FER1L6: variants seen among roughly 807,000 people sequenced by gnomAD.
FER1L6 encodes fer-1 like family member 6.
In FER1L6, 177 loss-of-function variants were observed where a neutral mutation model predicts 219.2. The ratio of observed to expected loss-of-function variants is 0.81; its 90% CI spans 0.71 to 0.91. The LOEUF (loss-of-function observed/expected upper bound fraction) is 0.91, where lower values mean the gene tolerates loss of function less well. Ranked by LOEUF, FER1L6 falls within the 40% of genes least tolerant of loss-of-function variation. FER1L6 has a pLI of 0.00. For synonymous variants in FER1L6, 768 were observed against 824.3 expected (o/e 0.93, Z 1.17); for missense variants, 2,153 against 2,259.9 (o/e 0.95, Z 0.96).
At chr8:124,085,605 T>G (rs993930117) in intron 33 of FER1L6, among the ~76,000 whole-genome samples, 2 of 151,860 alleles carry the variant, frequency 1.3e-5, no homozygotes, top group African/African-American at 4.8e-5. Flanking sequence ...AATTTCAATT[T>G]AAAAAAAATT....
At chr8:123,967,485 T>C (rs1395096764) in intron 5 of FER1L6, among the ~76,000 whole-genome samples, 1 of 152,246 alleles carries the variant, frequency 6.6e-6, no homozygotes, top group Non-Finnish European at 1.5e-5. Context: ...AACCTTTTGC[T>C]ACTACTTATA....
Position 123,966,252 on chromosome 8 carries a change from A to T in FER1L6, c.346A>T (p.Thr116Ser), listed in dbSNP as rs770304809. The change falls in exon 5 of 41, where the codon ACA becomes TCA. Residue 116 changes from threonine (T) to serine (S), a missense_variant. Coordinates refer to ENST00000522917, the MANE Select transcript of FER1L6 (RefSeq NM_001039112.2). ...GATTGGGGATGAGAAGAAGCAAAGCACAGTGAAGGAAGGAACCAACAGCCC... is the reference window on the plus strand; with the variant it reads ...GATTGGGGATGAGAAGAAGCAAAGCTCAGTGAAGGAAGGAACCAACAGCCC... ...IEIGDEKKQS[T>S]VKEGTNSPFY... 6.2e-7 allele frequency: 1 copy of T among 1,614,220 alleles called. No individual in the cohort carries two copies. The highest frequency in any genetic ancestry group is 8.5e-7 in the Non-Finnish European group (1 of 1,180,032).
chr8:124,060,456 G>C (rs1820512460), intron 23 of FER1L6, 92 bp from the exon 24 acceptor site: 1 of 1,537,488 alleles, frequency 6.5e-7, no homozygotes, highest in South Asian at 1.2e-5. Flanking sequence ...GTGGTTCTCA[G>C]GGAGCAGGTC....
intron 12 of FER1L6, among the ~76,000 whole-genome samples, chr8:123,992,978 A>G (rs1474142438): frequency 1.3e-5 from 2 of 152,198 alleles, no homozygotes; most frequent in Non-Finnish European, 2.9e-5. Flanking sequence ...TCAGGAGCAG[A>G]CTAATTTCCA....
rs752074541 is a variant in FER1L6, at chr8:123,956,044, G to A, written c.46G>A (p.Gly16Arg). The change falls in exon 2 of 41, where the codon GGG (glycine) becomes AGG (arginine). Residue 16 changes from glycine (G) to arginine (R), a missense_variant. Coordinates refer to ENST00000522917, the MANE Select transcript of FER1L6 (RefSeq NM_001039112.2). ...VKKKRNKAEK[G>R]LILANKAAKD... ...GAAGAAGAGAAATAAGGCAGAGAAG[G>A]GGTTAATCCTAGCCAACAAGGCTGC... 10 of 1,612,386 alleles carry A rather than the reference G, an allele frequency of 6.2e-6. No individual in the cohort carries two copies. Among genetic ancestry groups the A allele is most frequent in the Non-Finnish European group, 8.5e-6 (10 of 1,179,518 alleles).
At chr8:123,874,553 A>G (rs1196237198) in intron 1 of FER1L6, among the ~76,000 whole-genome samples, 1 of 152,174 alleles carries the variant, frequency 6.6e-6, no homozygotes, top group African/African-American at 2.4e-5. Context: ...ACATGCTTCA[A>G]CTCCGCTACC....
rs1400991669 is a variant in FER1L6 at position 124,023,593 on chromosome 8, C to T, written c.2283C>T (p.Leu761=). The T allele has an allele frequency of 6.2e-7, 1 of 1,614,040 alleles. No individual in the cohort carries two copies. Among genetic ancestry groups the T allele is most frequent in the Admixed American group, 1.7e-5 (1 of 60,008 alleles). The change falls in exon 18 of 41, where the codon CTC becomes CTT. Residue 761 remains leucine (L), a synonymous_variant. Coordinates refer to ENST00000522917, the MANE Select transcript of FER1L6 (RefSeq NM_001039112.2). ...KHCGKIKTHF[L]KPPGKRPAGW... ...GCGGCAAGATCAAAACTCACTTCCT[C>T]AAAGTAAGTGTGCAGTATTTTAACT... is the stretch of plus-strand genomic sequence containing the variant.
chr8:123,964,944 C>T (rs1586525933), intron 3 of FER1L6, among the ~76,000 whole-genome samples: 1 of 152,190 alleles, frequency 6.6e-6, no homozygotes, highest in South Asian at 2.1e-4. Context: ...ATTGTTACTT[C>T]TCAAGGACCA....
chr8:123,963,942 G>A (rs1032516316), intron 3 of FER1L6, among the ~76,000 whole-genome samples: 12 of 152,218 alleles, frequency 7.9e-5, no homozygotes, highest in African/African-American at 2.9e-4. Context: ...AGTTGCAGAT[G>A]CATCATTCAT....
At chr8:124,066,879 TAG>T (rs1173117897) in intron 27 of FER1L6, among the ~76,000 whole-genome samples, 1 of 152,030 alleles carries the variant, frequency 6.6e-6, no homozygotes, top group Non-Finnish European at 1.5e-5. Context: ...GGTCTCTGGA[TAG>T]GTGGGCATCA....
At chr8:123,973,411 C>T in intron 6 of FER1L6, 23 bp from the exon 7 acceptor site, 3 of 1,591,578 alleles carry the variant, frequency 1.9e-6, no homozygotes, top group Non-Finnish European at 2.6e-6. Context: ...ATCTGCCATA[C>T]TCCCTGCTCT....
chr8:124,049,464 G>A lies in FER1L6; in HGVS notation c.2725-143G>A, dbSNP rs551601390. 17 of 946,450 alleles carry A rather than the reference G, an allele frequency of 1.8e-5. No individual in the cohort carries two copies. The South Asian group carries it at 2.5e-4, about 14-fold the overall frequency. 58.6% of individuals were successfully genotyped at this position (946,450 alleles called of 1,614,324 possible). A position where few individuals can be genotyped will look rare whatever the true frequency, so the allele number is the denominator to read the frequency against. On this transcript the variant is annotated intron_variant, in intron 21 of 40. Coordinates refer to ENST00000522917, the MANE Select transcript of FER1L6 (RefSeq NM_001039112.2). The stretch of plus-strand genomic sequence containing the variant: ...TCCCCAGACCTACGGAAATGGGCAA[G>A]AGGAGCTTGGCAGGAGAAAAGAGTG...
At position 124,062,461 on chromosome 8, in the gene FER1L6, C is replaced by T. The variant is rs113682051; in HGVS notation, c.3328+429C>T. On this transcript the variant is annotated intron_variant, in intron 25 of 40. Transcript: ENST00000522917. ...TTATTCCTTATCTCTAATCCCAGTG[C>T]CCTCCCCACTGCAGGCCTTACGCCA... is the stretch of plus-strand genomic sequence containing the variant. Among the ~76,000 whole-genome samples, 911 of 152,240 alleles carry T rather than the reference C, an allele frequency of 6.0e-3. 16 individuals carry two copies. Among genetic ancestry groups the T allele is most frequent in the African/African-American group, 0.021 (865 of 41,546 alleles).
intron 16 of FER1L6, among the ~76,000 whole-genome samples, chr8:124,019,599 G>A (rs976041205): frequency 3.9e-5 from 6 of 152,184 alleles, no homozygotes; most frequent in African/African-American, 1.2e-4. Context: ...CTAGAAGAAC[G>A]TAGTGCTTGT....
chr8:124,103,228 A>G lies in FER1L6; in HGVS notation c.5208A>G (p.Ala1736=). The change falls in exon 39 of 41, where the codon GCA becomes GCG. Residue 1736 remains alanine (A), a synonymous_variant. Coordinates refer to ENST00000522917, the MANE Select transcript of FER1L6 (RefSeq NM_001039112.2). ...GTGATCTTGCCAAGTTTGAAAATGC[A>G]AGTGAGGAGACCAAGATCTCTATAT... ...KACDLAKFEN[A]SEETKISIFQ... is the part of the protein sequence containing the mutation. 1 of 1,614,144 alleles carries G rather than the reference A, an allele frequency of 6.2e-7. No individual in the cohort carries two copies. Among genetic ancestry groups the G allele is most frequent in the Non-Finnish European group, 8.5e-7 (1 of 1,179,998 alleles).
intron 15 of FER1L6, among the ~76,000 whole-genome samples, chr8:124,015,316 C>A (rs918563765): frequency 5.3e-5 from 8 of 151,966 alleles, no homozygotes. Flanking sequence ...AGGCTGCTGA[C>A]CCTTTAAGGA....
At position 123,853,117 on chromosome 8, in the gene FER1L6, T is replaced by C. The variant is rs1291860257; in HGVS notation, c.-8+932T>C. 6.6e-6 allele frequency among the ~76,000 whole-genome samples: 1 copy of C among 152,168 alleles called. No homozygotes were observed. Among genetic ancestry groups the C allele is most frequent in the African/African-American group, 2.4e-5 (1 of 41,424 alleles). On this transcript the variant is annotated intron_variant, in intron 1 of 40. Transcript: ENST00000522917. This position sits in a 1 kb window ranked among gnomAD's most constrained non-coding sequence, Gnocchi z 6.6. ...CCTCAGCCTTCCAAAGTGCTCGGATTACGTGCGTGAGCCACTGTGCCCACC... is the reference window on the plus strand; with the variant it reads ...CCTCAGCCTTCCAAAGTGCTCGGATCACGTGCGTGAGCCACTGTGCCCACC...
chr8:124,093,481 C>T (rs2130953654), intron 34 of FER1L6, among the ~76,000 whole-genome samples: 1 of 152,044 alleles, frequency 6.6e-6, no homozygotes, highest in South Asian at 2.1e-4. Context: ...TTTCCTTTAC[C>T]TTGTTATTTC....
chr8:123,855,726 CAT>C (rs1427029656), intron 1 of FER1L6, among the ~76,000 whole-genome samples: 13 of 128,534 alleles, frequency 1.0e-4, no homozygotes, highest in East Asian at 6.5e-4. Context: ...CACACACACA[CAT>C]ATACGTAATA....
Sources: gnomAD v4.1 joint callset for allele counts (sites outside exome capture counted in the v4.1 genomes callset) on GRCh38, gnomAD v4.1.1 for gene constraint, Gnocchi (gnomAD v3.1) non-coding constraint, MANE v1.5 for transcripts, NCBI Gene and HGNC (gene_info 2026-07-23, HGNC 2026-07-21) for gene names.